Variants in ANKRD11 observed in about 807,000 individuals in gnomAD.
The protein encoded by ANKRD11 is ankyrin repeat domain-containing protein 11.
ANKRD11 carries 17 observed loss-of-function variants against 195.7 expected under a neutral mutation model. The observed-to-expected ratio is 0.09, with a 90% CI of 0.06 to 0.13. The LOEUF (loss-of-function observed/expected upper bound fraction) is 0.13. Ranked by LOEUF, ANKRD11 falls within the 10% of genes least tolerant of loss-of-function variation. ANKRD11 has a pLI of 1.00. For synonymous variants in ANKRD11, 1,953 were observed against 1,528.1 expected (o/e 1.28, Z -6.49); for missense variants, 3,735 against 3,566.1 (o/e 1.05, Z -1.21).
intron 2 of ANKRD11, among the ~76,000 whole-genome samples, chr16:89,378,154 A>T (rs950646193): frequency 1.3e-5 from 2 of 152,194 alleles, no homozygotes; most frequent in African/African-American, 4.8e-5. Context: ...GTTTGAGACC[A>T]GCCTGGGCAA....
chr16:89,468,321 C>T (rs766737203), intron 1 of ANKRD11, among the ~76,000 whole-genome samples: 1 of 152,188 alleles, frequency 6.6e-6, no homozygotes, highest in Non-Finnish European at 1.5e-5. Context: ...AACGTGAGTG[C>T]AGCTCCTCCA....
intron 1 of ANKRD11, among the ~76,000 whole-genome samples, chr16:89,479,433 G>A (rs763173254): frequency 2.0e-5 from 3 of 150,418 alleles, no homozygotes; most frequent in African/African-American, 7.4e-5. Flanking sequence ...GGGAGTTTGA[G>A]ACCAGCCTGA....
intron 2 of ANKRD11, among the ~76,000 whole-genome samples, chr16:89,415,829 C>CAAAAAAAAAAAAAAAAACAAAAAAA (rs2042278711): frequency 2.5e-5 from 1 of 39,746 alleles, no homozygotes; most frequent in Non-Finnish European, 4.7e-5. Flanking sequence ...GACTCTGTCT[C>CAAAAAAAAAAAAAAAAACAAAAAAA]AAAAAAAAAA....
intron 1 of ANKRD11, among the ~76,000 whole-genome samples, chr16:89,442,240 G>A (rs1022097814): frequency 3.3e-5 from 5 of 152,170 alleles, no homozygotes; most frequent in African/African-American, 4.8e-5. Flanking sequence ...AACATGCCAG[G>A]TCATGTCTAC....
At chr16:89,376,649 G>A (rs1022527862) in intron 2 of ANKRD11, among the ~76,000 whole-genome samples, 1 of 152,156 alleles carries the variant, frequency 6.6e-6, no homozygotes, top group African/African-American at 2.4e-5. Context: ...ATGTTGGCCA[G>A]GCTGGTCTCA....
chr16:89,390,981 CA>C (rs2152123648), intron 2 of ANKRD11, among the ~76,000 whole-genome samples: 1 of 152,282 alleles, frequency 6.6e-6, no homozygotes, highest in South Asian at 2.1e-4. Context: ...GTAATCACAG[CA>C]TTTTGGGAGG....
At chr16:89,363,696 C>G (rs1409265825) in intron 2 of ANKRD11, among the ~76,000 whole-genome samples, 1 of 152,090 alleles carries the variant, frequency 6.6e-6, no homozygotes, top group African/African-American at 2.4e-5. Flanking sequence ...TGGCCCAGGC[C>G]CCTGTGAAAC....
intron 1 of ANKRD11, among the ~76,000 whole-genome samples, chr16:89,440,746 G>C (rs760191670): frequency 1.3e-5 from 2 of 152,184 alleles, no homozygotes; most frequent in African/African-American, 2.4e-5. Flanking sequence ...AGGACATCCA[G>C]GCACCACCCA....
At chr16:89,477,710 T>C (rs564078333) in intron 1 of ANKRD11, among the ~76,000 whole-genome samples, 50 of 150,512 alleles carry the variant, frequency 3.3e-4, no homozygotes, top group Middle Eastern at 3.4e-3. Context: ...CGGTGGCTCA[T>C]GCCTGTAATC....
At chr16:89,333,643 T>A (rs899489116) in intron 2 of ANKRD11, among the ~76,000 whole-genome samples, 2 of 152,208 alleles carry the variant, frequency 1.3e-5, no homozygotes, top group Non-Finnish European at 2.9e-5. Flanking sequence ...ACGGGCTGCT[T>A]TCACTCAGGC....
chr16:89,277,047 C>G (rs2151714220), intron 9 of ANKRD11, among the ~76,000 whole-genome samples: 2 of 112,198 alleles, frequency 1.8e-5, no homozygotes, highest in East Asian at 5.1e-4. Flanking sequence ...CAGAGTGAGA[C>G]TCTGTCTTAA....
At chr16:89,293,650 G>A (rs1458815300) in intron 4 of ANKRD11, among the ~76,000 whole-genome samples, 2 of 88,242 alleles carry the variant, frequency 2.3e-5, no homozygotes, top group African/African-American at 9.3e-5. Context: ...AGGGGAGGAG[G>A]CGGGGTGGTA....
intron 2 of ANKRD11, among the ~76,000 whole-genome samples, chr16:89,372,314 C>T (rs2040229560): frequency 6.6e-6 from 1 of 152,220 alleles, no homozygotes; most frequent in African/African-American, 2.4e-5. Flanking sequence ...GGCGGCAGCG[C>T]CCAGCGACGG....
chr16:89,271,314 C>T (rs747209334), intron 11 of ANKRD11: 8 of 298,158 alleles, frequency 2.7e-5, no homozygotes, highest in Non-Finnish European at 4.0e-5. Context: ...CCTGGCTCAC[C>T]GCAGCCTCCA....
intron 1 of ANKRD11, among the ~76,000 whole-genome samples, chr16:89,445,813 A>G (rs570824077): frequency 2.6e-5 from 4 of 152,022 alleles, no homozygotes; most frequent in African/African-American, 9.6e-5. Flanking sequence ...CGTCTCTACT[A>G]AAAATACAAA....
intron 6 of ANKRD11, among the ~76,000 whole-genome samples, chr16:89,289,423 G>A (rs1212000719): frequency 6.6e-6 from 1 of 152,236 alleles, no homozygotes; most frequent in Non-Finnish European, 1.5e-5. Flanking sequence ...CCTGGGATAT[G>A]TGGACCACTC....
At chr16:89,422,195 T>C (rs1240395597) in intron 1 of ANKRD11, 1 of 152,034 alleles carries the variant, frequency 6.6e-6, no homozygotes, top group Non-Finnish European at 1.5e-5. Context: ...AAACCTATAA[T>C]CCCAGAACTT....
At chr16:89,464,013 CG>C (rs2056794740) in intron 1 of ANKRD11, among the ~76,000 whole-genome samples, 2 of 152,092 alleles carry the variant, frequency 1.3e-5, no homozygotes, top group Admixed American at 1.3e-4. Flanking sequence ...GTGAGGTGGG[CG>C]GATCACTTGA....
At chr16:89,458,286 G>C (rs1055039404) in intron 1 of ANKRD11, among the ~76,000 whole-genome samples, 1 of 151,386 alleles carries the variant, frequency 6.6e-6, no homozygotes, top group Admixed American at 6.6e-5. Context: ...GTGCAGTGGC[G>C]CGATCTCCGC....
Sources: allele counts gnomAD v4.1 joint callset (sites outside exome capture counted in the v4.1 genomes callset), GRCh38; gene constraint gnomAD v4.1.1; transcripts MANE v1.5; gene names NCBI Gene and HGNC (gene_info 2026-07-23, HGNC 2026-07-21).